Variants in MAPRE3 observed in about 807,000 individuals in gnomAD.
MAPRE3 encodes the protein microtubule-associated protein RP/EB family member 3.
MAPRE3 carries 2 observed loss-of-function variants against 30.5 expected under a neutral mutation model. That is an observed-to-expected ratio of 0.07 (90% CI 0.03 to 0.21). MAPRE3 has a LOEUF of 0.21. Among genes scored for constraint, MAPRE3 ranks in the 10% least tolerant of loss-of-function variants. The pLI, the probability that MAPRE3 is intolerant of heterozygous loss-of-function variation, is 1.00. For missense variants in MAPRE3, 204 were observed against 351.8 expected, an observed-to-expected ratio of 0.58 and a Z score of 3.36; for synonymous variants, 110 against 127.7, an observed-to-expected ratio of 0.86 and a Z score of 0.93.
At chr2:27,022,460 G>C in intron 2 of MAPRE3, 121 bp downstream of exon 2, 1 of 1,267,248 alleles carries the variant, frequency 7.9e-7, no homozygotes, top group Non-Finnish European at 1.1e-6. Context: ...GATGTGGCCA[G>C]AGAAATGCAT....
intron 1 of MAPRE3, among the ~76,000 whole-genome samples, chr2:26,981,631 C>T (rs1429393036): frequency 6.6e-6 from 1 of 152,118 alleles, no homozygotes; most frequent in African/African-American, 2.4e-5. Flanking sequence ...CTGTGCCTTC[C>T]GGGTGTGGCT....
At chr2:26,996,091 A>G (rs557248855) in intron 1 of MAPRE3, among the ~76,000 whole-genome samples, 146 of 151,034 alleles carry the variant, frequency 9.7e-4, no homozygotes, top group African/African-American at 3.5e-3. Flanking sequence ...ACCCATAGAA[A>G]CAGATGAGAC....
chr2:27,001,124 A>G (rs1012231419), intron 1 of MAPRE3, among the ~76,000 whole-genome samples: 11 of 152,216 alleles, frequency 7.2e-5, no homozygotes, highest in South Asian at 2.1e-4. Flanking sequence ...CTGTAATACA[A>G]TCATACATTG....
At chr2:27,012,625 GCTGA>G (rs1666886515) in intron 1 of MAPRE3, 2 of 152,694 alleles carry the variant, frequency 1.3e-5, no homozygotes, top group African/African-American at 4.8e-5. Flanking sequence ...TGGGGTGGGG[GCTGA>G]CTGTCTCCAC....
intron 1 of MAPRE3, among the ~76,000 whole-genome samples, chr2:26,978,951 A>T (rs1666064828): frequency 6.6e-6 from 1 of 152,246 alleles, no homozygotes; most frequent in South Asian, 2.1e-4. Flanking sequence ...ACACAGTGTC[A>T]GCCCTTAAGG....
intron 1 of MAPRE3, among the ~76,000 whole-genome samples, chr2:27,000,535 A>C (rs936326520): frequency 3.9e-5 from 6 of 152,352 alleles, no homozygotes; most frequent in African/African-American, 1.4e-4. Context: ...GTTACAAGGA[A>C]AATAACTTGC....
At chr2:26,995,325 T>C (rs191048153) in intron 1 of MAPRE3, among the ~76,000 whole-genome samples, 92 of 152,336 alleles carry the variant, frequency 6.0e-4, no homozygotes, top group Non-Finnish European at 1.6e-4. Flanking sequence ...GTCCTAGATA[T>C]TAATAGGTTG....
In MAPRE3 at chr2:27,023,859, G is replaced by A. The variant is rs371648846; in HGVS notation, c.268-237G>A. 70 of 529,440 alleles carry A rather than the reference G, an allele frequency of 1.3e-4. No individual in the cohort carries two copies. In the East Asian group the frequency reaches 2.0e-3, roughly 15 times the overall value. 32.8% of individuals were successfully genotyped at this position (529,440 alleles called of 1,614,324 possible). A position where few individuals can be genotyped will look rare whatever the true frequency, so the allele number is the denominator to read the frequency against. ...CACGCAGGCAGTAGAGCCAAGGGAC[G>A]CCTCCCCACACAGTTCTTCCACACG... On this transcript the variant is annotated intron_variant, in intron 3 of 6. Coordinates refer to ENST00000233121, the MANE Select transcript of MAPRE3 (RefSeq NM_012326.4).
intron 1 of MAPRE3, among the ~76,000 whole-genome samples, chr2:27,000,887 G>C (rs1287661398): frequency 6.6e-6 from 1 of 152,242 alleles, no homozygotes; most frequent in African/African-American, 2.4e-5. Context: ...ACTCATTGCT[G>C]CCTGACCACA....
Position 26,986,534 on chromosome 2 carries a change from GA to G in MAPRE3, c.-8+15736del, listed in dbSNP as rs1372994889. On this transcript the variant is annotated intron_variant, in intron 1 of 6. Transcript: ENST00000233121. The surrounding 1 kb of genome is among the most constrained non-coding windows in gnomAD (Gnocchi z 4.2). ...TTACCTGCACAGGTTCTCTCAGGCAGAAAACATGGAAAGCTACGTCAGCTGC... is the reference window on the plus strand; with the variant it reads ...TTACCTGCACAGGTTCTCTCAGGCAGAAACATGGAAAGCTACGTCAGCTGC... 1 of 152,188 alleles carries G rather than the reference GA, an allele frequency of 6.6e-6. No individual in the cohort carries two copies. The highest frequency in any genetic ancestry group is 1.5e-5 in the Non-Finnish European group (1 of 68,042). 9.4% of individuals were successfully genotyped at this position (152,188 alleles called of 1,614,324 possible).
In MAPRE3 at chr2:27,026,039, A is replaced by G. The variant is rs552431221; in HGVS notation, c.777+7A>G. 2 of 1,614,012 alleles carry G rather than the reference A, an allele frequency of 1.2e-6. No individual in the cohort carries two copies. The highest frequency in any genetic ancestry group is 2.2e-5 in the South Asian group (2 of 91,074). ...CATCCTCTATGCCACAGAGGTGAGC[A>G]CTCCCAGGCCCATTGGGCCCTCCCC... is the stretch of plus-strand genomic sequence containing the variant. On this transcript the variant is annotated splice_region_variant and intron_variant, in intron 6 of 6. Transcript: ENST00000233121.
At chr2:26,987,389 C>T (rs933159544) in intron 1 of MAPRE3, among the ~76,000 whole-genome samples, 1 of 152,132 alleles carries the variant, frequency 6.6e-6, no homozygotes, top group Admixed American at 6.5e-5. Context: ...TTAATCCCAG[C>T]ACTTTGGGAG....
At chr2:26,999,379 G>A (rs1666535349) in intron 1 of MAPRE3, among the ~76,000 whole-genome samples, 1 of 151,984 alleles carries the variant, frequency 6.6e-6, no homozygotes, top group Admixed American at 6.6e-5. Flanking sequence ...GAATGGAAGG[G>A]ACAAGATGAA....
At chr2:26,999,271 C>CAATGAGTAG (rs1040049939) in intron 1 of MAPRE3, among the ~76,000 whole-genome samples, 19 of 152,026 alleles carry the variant, frequency 1.2e-4, no homozygotes, top group African/African-American at 4.6e-4. Context: ...GTTTGTCTTG[C>CAATGAGTAG]AATGAGTAGC....
rs1666197463 is a variant in MAPRE3, at chr2:26,985,411, G to A, written c.-8+14609G>A. Among the ~76,000 whole-genome samples, 2 of 152,222 alleles carry A rather than the reference G, an allele frequency of 1.3e-5. No homozygotes were observed. The highest frequency in any genetic ancestry group is 4.8e-5 in the African/African-American group (2 of 41,458). ...TCTGGCAGCATAGATCTGAGTTGGT[G>A]AAGCTATTCCTATAGCAGTAATGTG... On this transcript the variant is annotated intron_variant, in intron 1 of 6. Coordinates refer to ENST00000233121, the MANE Select transcript of MAPRE3 (RefSeq NM_012326.4). The surrounding 1 kb of genome is among the most constrained non-coding windows in gnomAD (Gnocchi z 4.2).
intron 1 of MAPRE3, among the ~76,000 whole-genome samples, chr2:27,020,697 G>A (rs1397359333): frequency 6.6e-6 from 1 of 152,226 alleles, no homozygotes; most frequent in East Asian, 1.9e-4. Flanking sequence ...AACACTATGA[G>A]TGCTGAACAG....
At chr2:27,014,087 G>C (rs373384868) in intron 1 of MAPRE3, 9 of 152,160 alleles carry the variant, frequency 5.9e-5, no homozygotes, top group East Asian at 1.9e-4. Flanking sequence ...ATGGACATTT[G>C]TTGACCTAAA....
intron 1 of MAPRE3, among the ~76,000 whole-genome samples, chr2:26,993,001 G>C (rs1256804644): frequency 6.6e-6 from 1 of 152,174 alleles, no homozygotes; most frequent in Non-Finnish European, 1.5e-5. Flanking sequence ...CATAGGGATT[G>C]TATAGCTCCC....
Position 26,997,019 on chromosome 2 carries a change from A to C in MAPRE3, c.-7-25193A>C, listed in dbSNP as rs1253242573. ...TTTATTCTATTTTGAACTAGTGTAGATATCTGGAGACCAAAGTTGTAAAAT... is the reference window on the plus strand; with the variant it reads ...TTTATTCTATTTTGAACTAGTGTAGCTATCTGGAGACCAAAGTTGTAAAAT... On this transcript the variant is annotated intron_variant, in intron 1 of 6. Coordinates refer to ENST00000233121, the MANE Select transcript of MAPRE3 (RefSeq NM_012326.4). 2.6e-5 allele frequency: 4 copies of C among 152,148 alleles called. No individual in the cohort carries two copies. The East Asian group carries it at 7.7e-4, about 29-fold the overall frequency. 9.4% of individuals were successfully genotyped at this position (152,148 alleles called of 1,614,324 possible). A position where few individuals can be genotyped will look rare whatever the true frequency, so the allele number is the denominator to read the frequency against.
Sources: gnomAD v4.1 joint callset for allele counts (sites outside exome capture counted in the v4.1 genomes callset) on GRCh38, gnomAD v4.1.1 for gene constraint, Gnocchi (gnomAD v3.1) non-coding constraint, MANE v1.5 for transcripts, NCBI Gene and HGNC (gene_info 2026-07-23, HGNC 2026-07-21) for gene names.